The following SPANXN1 variants were observed in gnomAD, a reference collection of about 807,000 sequenced individuals.
SPANXN1 encodes SPANX family member N1.
SPANXN1 carries 1 observed loss-of-function variant against 2.0 expected under a neutral mutation model. The ratio of observed to expected loss-of-function variants is 0.50; its 90% confidence interval spans 0.18 to 2.36. The LOEUF (loss-of-function observed/expected upper bound fraction) is 2.36. SPANXN1 is among the 30% of genes most tolerant of loss of function. The probability of loss-of-function intolerance (pLI) is 0.26; values close to 1 mark genes in which losing one functional copy is unlikely to be tolerated. For synonymous variants in SPANXN1, 27 were observed against 21.3 expected (o/e 1.27, Z -0.74); for missense variants, 55 against 51.8 (o/e 1.06, Z -0.19).
chrX:145,251,902 A>C (rs1193222695), intron 1 of SPANXN1, among the ~76,000 whole-genome samples: 1 of 110,982 alleles, frequency 9.0e-6, no homozygotes, highest in Non-Finnish European at 1.9e-5. Context: ...GTCCCAAATT[A>C]GCTCCTTTCA....
intron 1 of SPANXN1, among the ~76,000 whole-genome samples, chrX:145,250,069 T>C (rs1163392824): frequency 9.0e-6 from 1 of 111,278 alleles, no homozygotes; most frequent in Non-Finnish European, 1.9e-5. Context: ...GTTTGGTTAG[T>C]TGTTTTTTAT....
At chrX:145,255,073 C>T (rs73235552) in intron 1 of SPANXN1, among the ~76,000 whole-genome samples, 1,152 of 111,577 alleles carry the variant, frequency 0.01, 7 homozygotes, top group Non-Finnish European at 0.016. Flanking sequence ...AAGAAAGACA[C>T]ACAGAGATGG....
chrX:145,249,139 AT>A (rs2070774833), intron 1 of SPANXN1, among the ~76,000 whole-genome samples: 1 of 110,821 alleles, frequency 9.0e-6, no homozygotes, highest in Admixed American at 9.6e-5. Flanking sequence ...ATGCAGGTTT[AT>A]TTTCGACCAG....
In SPANXN1 at chrX:145,256,108, C is replaced by A; in HGVS notation, c.*294C>A. The A allele has an allele frequency of 2.2e-6, 1 of 453,629 alleles. No individual in the cohort carries two copies. The highest frequency in any genetic ancestry group is 3.9e-6 in the Non-Finnish European group (1 of 258,882). The allele number at this position is 453,629 out of a possible 1,213,427, so 37.4% of individuals were successfully genotyped here. A position where few individuals can be genotyped will look rare whatever the true frequency, so the allele number is the denominator to read the frequency against. ...AAGGATCTTCACAGGAGGATGAAGA[C>A]CTAGAGAAAAAGCGATCATCTAGGT... is the stretch of plus-strand genomic sequence containing the variant. On this transcript the variant is annotated 3_prime_UTR_variant, in exon 2 of 2. Transcript: ENST00000370493.
intron 1 of SPANXN1, 113 bp downstream of exon 1, chrX:145,247,774 C>G: frequency 1.1e-6 from 1 of 897,960 alleles, no homozygotes; most frequent in South Asian, 2.2e-5. Flanking sequence ...AGTGGGAGAC[C>G]CGCTTAATGC....
At position 145,255,852 on chromosome X, in the gene SPANXN1, A is replaced by T; in HGVS notation, c.*38A>T. ...AATCCAGTCCAAGAGGAGGAGGACG[A>T]AGGCCTAGACTCAGCTGAAGGATCT... On this transcript the variant is annotated 3_prime_UTR_variant, in exon 2 of 2. Coordinates refer to ENST00000370493, the MANE Select transcript of SPANXN1 (RefSeq NM_001009614.3). 8.2e-7 allele frequency: 1 copy of T among 1,212,178 alleles called. No homozygotes were observed. The highest frequency in any genetic ancestry group is 1.1e-6 in the Non-Finnish European group (1 of 895,504).
At position 145,255,980 on chromosome X, in the gene SPANXN1, C is replaced by A. The variant is rs1162271564; in HGVS notation, c.*166C>A. On this transcript the variant is annotated 3_prime_UTR_variant, in exon 2 of 2. Transcript: ENST00000370493. The stretch of plus-strand genomic sequence containing the variant: ...AGACTTACCTGAAGGATCTTCAAAG[C>A]AGAATGAAGACCTAGGCTTACCTGA... 1.0e-6 allele frequency: 1 copy of A among 974,773 alleles called. No homozygotes were observed. The highest frequency in any genetic ancestry group is 1.5e-6 in the Non-Finnish European group (1 of 688,010). The allele number at this position is 974,773 out of a possible 1,213,427, so 80.3% of individuals were successfully genotyped here. A position where few individuals can be genotyped will look rare whatever the true frequency, so the allele number is the denominator to read the frequency against.
Position 145,247,548 on chromosome X carries a change from C to T in SPANXN1, c.-39C>T. 8.5e-7 allele frequency: 1 copy of T among 1,173,031 alleles called. No homozygotes were observed. The highest frequency in any genetic ancestry group is 3.0e-5 in the East Asian group (1 of 33,596). On this transcript the variant is annotated 5_prime_UTR_variant, in exon 1 of 2. Transcript: ENST00000370493. The stretch of plus-strand genomic sequence containing the variant: ...TACAGCTGTGCAAGTCTGGAGTCTA[C>T]AAGAGCCTACTATAGACATTCTACA...
At chrX:145,254,597 T>C (rs1262837392) in intron 1 of SPANXN1, among the ~76,000 whole-genome samples, 1 of 112,363 alleles carries the variant, frequency 8.9e-6, no homozygotes, top group African/African-American at 3.2e-5. Flanking sequence ...GTGGCAAGCA[T>C]TCTGAGGCTG....
At chrX:145,255,333 G>A (rs1375789139) in intron 1 of SPANXN1, among the ~76,000 whole-genome samples, 12 of 111,672 alleles carry the variant, frequency 1.1e-4, no homozygotes, top group Admixed American at 2.8e-4. Context: ...ATATGATAGG[G>A]ATGTTTCTTT....
chrX:145,253,029 T>C (rs1290821470), intron 1 of SPANXN1, among the ~76,000 whole-genome samples: 1 of 111,333 alleles, frequency 9.0e-6, no homozygotes, highest in East Asian at 2.8e-4. Flanking sequence ...TACCCTGGCT[T>C]CCGAGGTGGT....
chrX:145,253,490 T>A (rs1212345600), intron 1 of SPANXN1, among the ~76,000 whole-genome samples: 1 of 110,437 alleles, frequency 9.1e-6, no homozygotes, highest in Admixed American at 9.7e-5. Flanking sequence ...TAAATGGAGG[T>A]CGATTTTGCC....
intron 1 of SPANXN1, among the ~76,000 whole-genome samples, chrX:145,253,454 T>A (rs2070794401): frequency 9.0e-6 from 1 of 111,158 alleles, no homozygotes; most frequent in South Asian, 3.9e-4. Context: ...TTTTCAAATG[T>A]CTGGGGCTGA....
chrX:145,252,742 G>A (rs1405262300), intron 1 of SPANXN1, among the ~76,000 whole-genome samples: 2 of 110,044 alleles, frequency 1.8e-5, no homozygotes, highest in African/African-American at 6.6e-5. Context: ...AATTGTAGGA[G>A]CCACATTGCA....
At position 145,255,895 on chromosome X, in the gene SPANXN1, C is replaced by A. The variant is rs782594700; in HGVS notation, c.*81C>A. The A allele has an allele frequency of 8.3e-7, 1 of 1,199,442 alleles. No individual in the cohort carries two copies. Among genetic ancestry groups the A allele is most frequent in the Admixed American group, 2.2e-5 (1 of 45,707 alleles). Reference sequence around the variant, plus strand: ...AAGGATCTTCAAAGCAGGATGAAGACCTAGACTTACCTGAAGGCCTAGACT... The same window carrying A: ...AAGGATCTTCAAAGCAGGATGAAGAACTAGACTTACCTGAAGGCCTAGACT... On this transcript the variant is annotated 3_prime_UTR_variant, in exon 2 of 2. Transcript: ENST00000370493.
chrX:145,249,637 T>C (rs1556882270), intron 1 of SPANXN1, among the ~76,000 whole-genome samples: 1 of 108,355 alleles, frequency 9.2e-6, no homozygotes, highest in East Asian at 2.8e-4. Context: ...GATCTGGTGC[T>C]CTTTTTAGTT....
intron 1 of SPANXN1, among the ~76,000 whole-genome samples, chrX:145,253,388 C>G (rs782149379): frequency 1.3e-4 from 14 of 110,589 alleles, no homozygotes; most frequent in Non-Finnish European, 2.3e-4. Flanking sequence ...TTAAAGGCCA[C>G]TTTGATTAAG....
Position 145,255,850 on chromosome X carries a change from C to T in SPANXN1, c.*36C>T, listed in dbSNP as rs375051568. ...TCAATCCAGTCCAAGAGGAGGAGGA[C>T]GAAGGCCTAGACTCAGCTGAAGGAT... On this transcript the variant is annotated 3_prime_UTR_variant, in exon 2 of 2. Coordinates refer to ENST00000370493, the MANE Select transcript of SPANXN1 (RefSeq NM_001009614.3). 9.9e-6 allele frequency: 12 copies of T among 1,211,302 alleles called. No individual in the cohort carries two copies. The East Asian group carries it at 1.2e-4, about 12-fold the overall frequency.
chrX:145,255,546 T>C lies in SPANXN1; in HGVS notation c.76-125T>C, dbSNP rs527924885. On this transcript the variant is annotated intron_variant, in intron 1 of 1. Coordinates refer to ENST00000370493, the MANE Select transcript of SPANXN1 (RefSeq NM_001009614.3). ...ATCCCTACCCTATGATTCAACCTTG[T>C]TCTTCTCTGGCACACACCCCTTCCT... 5.5e-5 allele frequency: 56 copies of C among 1,025,131 alleles called. No individual in the cohort carries two copies. In the Admixed American group the frequency reaches 1.2e-3, roughly 22 times the overall value. 84.5% of individuals were successfully genotyped at this position (1,025,131 alleles called of 1,213,427 possible). A position where few individuals can be genotyped will look rare whatever the true frequency, so the allele number is the denominator to read the frequency against.
Sources: allele counts gnomAD v4.1 joint callset (sites outside exome capture counted in the v4.1 genomes callset), GRCh38; gene constraint gnomAD v4.1.1; transcripts MANE v1.5; gene names NCBI Gene and HGNC (gene_info 2026-07-23, HGNC 2026-07-21).